The following SLC8A2 variants were observed in gnomAD, a reference collection of about 807,000 sequenced individuals.
SLC8A2 encodes the protein solute carrier family 8 member A2, also known as sodium/calcium exchanger 2.
A neutral mutation model predicts 70.2 loss-of-function variants in SLC8A2; 14 were observed. The ratio of observed to expected loss-of-function variants is 0.20; its 90% CI spans 0.13 to 0.31. The LOEUF (loss-of-function observed/expected upper bound fraction) is 0.31. SLC8A2 is among the 10% of genes least tolerant of loss of function. The pLI is 1.00. For synonymous variants in SLC8A2, 575 were observed against 594.3 expected (o/e 0.97, Z 0.47); for missense variants, 779 against 1,320.1 (o/e 0.59, Z 6.35).
At chr19:47,433,179 A>G (rs1176137265) in intron 8 of SLC8A2, among the ~76,000 whole-genome samples, 1 of 152,176 alleles carries the variant, frequency 6.6e-6, no homozygotes, top group Non-Finnish European at 1.5e-5. Context: ...TCATTTTCCC[A>G]GAAGCCTTCA....
chr19:47,451,572 G>A lies in SLC8A2; in HGVS notation c.1341-3341C>T, dbSNP rs527582939. ...AATCCGCTGGCCTTGGGCTCCCAAAGTGCTGGGATTGCAGGCATGATCCAC... is the reference window on the plus strand; with the variant it reads ...AATCCGCTGGCCTTGGGCTCCCAAAATGCTGGGATTGCAGGCATGATCCAC... On this transcript the variant is annotated intron_variant, in intron 3 of 9. Transcript: ENST00000236877. Among the ~76,000 whole-genome samples, 5 of 152,344 alleles carry A rather than the reference G, an allele frequency of 3.3e-5. No homozygotes were observed. The South Asian group carries it at 1.0e-3, about 32-fold the overall frequency.
chr19:47,438,540 C>T (rs1967060074), intron 6 of SLC8A2, among the ~76,000 whole-genome samples: 1 of 151,966 alleles, frequency 6.6e-6, no homozygotes, highest in Non-Finnish European at 1.5e-5. Context: ...TGGAACCAGA[C>T]CCACCTACAT....
chr19:47,464,549 C>T (rs1476895071), intron 2 of SLC8A2, among the ~76,000 whole-genome samples: 1 of 152,164 alleles, frequency 6.6e-6, no homozygotes. Context: ...CTTTCAGGAG[C>T]CCTGTCTTCT....
intron 2 of SLC8A2, among the ~76,000 whole-genome samples, chr19:47,459,673 A>ATG (rs748987546): frequency 8.3e-5 from 12 of 143,770 alleles, no homozygotes; most frequent in Non-Finnish European, 1.1e-4. Context: ...GTGTGTGTGC[A>ATG]TGTGTGTGTG....
At position 47,437,835 on chromosome 19, in the gene SLC8A2, C is replaced by T; in HGVS notation, c.2010+14G>A. ...CAGGCTGGACTCCAGGAAGGTGAGG[C>T]CCCGGAAAATCACCTTAAAATCATA... On this transcript the variant is annotated intron_variant, in intron 7 of 9. Coordinates refer to ENST00000236877, the MANE Select transcript of SLC8A2 (RefSeq NM_015063.3). 2 of 1,613,968 alleles carry T rather than the reference C, an allele frequency of 1.2e-6. No individual in the cohort carries two copies. The highest frequency in any genetic ancestry group is 1.7e-6 in the Non-Finnish European group (2 of 1,179,904).
At position 47,447,588 on chromosome 19, in the gene SLC8A2, A is replaced by T; in HGVS notation, c.1763+221T>A. On this transcript the variant is annotated intron_variant, in intron 4 of 9. Transcript: ENST00000236877. This position sits in a 1 kb window ranked among gnomAD's most constrained non-coding sequence, Gnocchi z 5.1. ...ATTCACTCAGGCCCCTCTCCTCCTG[A>T]GGGCCCAGCTGTTCAGTGAAGCCCC... is the stretch of plus-strand genomic sequence containing the variant. 1.9e-6 allele frequency: 1 copy of T among 539,826 alleles called. No individual in the cohort carries two copies. The highest frequency in any genetic ancestry group is 3.2e-6 in the Non-Finnish European group (1 of 312,286). 33.4% of individuals were successfully genotyped at this position (539,826 alleles called of 1,614,324 possible). A position where few individuals can be genotyped will look rare whatever the true frequency, so the allele number is the denominator to read the frequency against.
chr19:47,449,558 A>G (rs1223464132), intron 3 of SLC8A2, among the ~76,000 whole-genome samples: 23 of 152,166 alleles, frequency 1.5e-4, no homozygotes, highest in Admixed American at 1.5e-3. Context: ...TCCTGACCTC[A>G]AAAGATCCGC....
rs1249065354 is a variant in SLC8A2 at position 47,466,928 on chromosome 19, G to A, written c.-16-509C>T. ...AAAAATTAGCTGGGCAGGGTGGCGG[G>A]AGCCTGTAACCCCAGCTACTCGGGA... is the stretch of plus-strand genomic sequence containing the variant. On this transcript the variant is annotated intron_variant, in intron 1 of 9. Coordinates refer to ENST00000236877, the MANE Select transcript of SLC8A2 (RefSeq NM_015063.3). The surrounding 1 kb of genome is among the most constrained non-coding windows in gnomAD (Gnocchi z 6.9). Among the ~76,000 whole-genome samples the A allele has an allele frequency of 1.3e-5, 2 of 152,064 alleles. No individual in the cohort carries two copies. The highest frequency in any genetic ancestry group is 2.9e-5 in the Non-Finnish European group (2 of 68,004).
Position 47,430,679 on chromosome 19 carries a change from G to T in SLC8A2, c.2390-214C>A, listed in dbSNP as rs1339101758. On this transcript the variant is annotated intron_variant, in intron 9 of 9. Transcript: ENST00000236877. The surrounding 1 kb of genome is among the most constrained non-coding windows in gnomAD (Gnocchi z 5.9). ...CTGCCGGCTTTCTATGGGACCTGCC[G>T]CCTGCTTTCTGTGGGATTCATTCTC... is the stretch of plus-strand genomic sequence containing the variant. 6.6e-6 allele frequency among the ~76,000 whole-genome samples: 1 copy of T among 152,220 alleles called. No individual in the cohort carries two copies. The highest frequency in any genetic ancestry group is 2.1e-4 in the South Asian group (1 of 4,834).
chr19:47,443,123 C>G (rs1967118627), intron 4 of SLC8A2, among the ~76,000 whole-genome samples: 2 of 152,184 alleles, frequency 1.3e-5, no homozygotes, highest in Admixed American at 6.5e-5. Context: ...TCTCCAACAC[C>G]CAGAACAGTC....
chr19:47,452,445 A>AGAGAGT (rs1568444583), intron 3 of SLC8A2, among the ~76,000 whole-genome samples: 32 of 54,090 alleles, frequency 5.9e-4, no homozygotes, highest in African/African-American at 2.9e-3. Context: ...AGAGAGAGAG[A>AGAGAGT]GTGTGTGTGT....
intron 1 of SLC8A2, among the ~76,000 whole-genome samples, chr19:47,469,106 G>A (rs1967499340): frequency 6.8e-6 from 1 of 146,226 alleles, no homozygotes; most frequent in South Asian, 2.2e-4. Flanking sequence ...CAAGCGAGGA[G>A]CATGCCTGTG....
rs1449847925 is a variant in SLC8A2, at chr19:47,457,290, G to A, written c.980C>T (p.Pro327Leu). The A allele has an allele frequency of 1.3e-6, 2 of 1,546,792 alleles. No homozygotes were observed. Among genetic ancestry groups the A allele is most frequent in the African/African-American group, 2.8e-5 (2 of 72,550 alleles). ...CACCAGCTGCTCCAGATCCTTGTCC[G>A]GGTGCTTCTGCTTGAGGTCCTTGAG... Reference protein sequence around the residue: ...QILKDLKQKHPDKDLEQLVGI... With the variant: ...QILKDLKQKHLDKDLEQLVGI... The change falls in exon 3 of 10, where the codon CCG becomes CTG. Residue 327 changes from proline (P) to leucine (L), a missense_variant. Pro to Leu is a moderately conservative substitution (Grantham distance 98). This residue lies in a region of SLC8A2 where 186 missense variants were observed against 246.6 expected (regional missense o/e 0.75). Coordinates refer to ENST00000236877, the MANE Select transcript of SLC8A2 (RefSeq NM_015063.3).
intron 4 of SLC8A2, among the ~76,000 whole-genome samples, chr19:47,445,288 T>C (rs897236444): frequency 1.3e-5 from 2 of 152,304 alleles, no homozygotes; most frequent in Admixed American, 6.5e-5. Flanking sequence ...TTTGTATTTT[T>C]AGTAGAGACG....
At chr19:47,445,130 T>G (rs1023780382) in intron 4 of SLC8A2, among the ~76,000 whole-genome samples, 32 of 151,860 alleles carry the variant, frequency 2.1e-4, no homozygotes, top group Non-Finnish European at 8.8e-5. Context: ...GGGTGGGAGA[T>G]GGAGTTTCGC....
At chr19:47,445,501 C>G (rs1454490957) in intron 4 of SLC8A2, among the ~76,000 whole-genome samples, 4 of 152,112 alleles carry the variant, frequency 2.6e-5, no homozygotes, top group Non-Finnish European at 5.9e-5. Flanking sequence ...CTCCCTGTGT[C>G]TATCTCTGTG....
At chr19:47,452,124 CATT>C (rs929007380) in intron 3 of SLC8A2, among the ~76,000 whole-genome samples, 1 of 152,022 alleles carries the variant, frequency 6.6e-6, no homozygotes, top group Non-Finnish European at 1.5e-5. Context: ...AGGAGAATGC[CATT>C]ATTCTCAAAA....
chr19:47,456,787 G>A, intron 3 of SLC8A2, 143 bp downstream of exon 3: 2 of 886,964 alleles, frequency 2.3e-6, no homozygotes, highest in East Asian at 2.9e-5. Flanking sequence ...CACAAAGCAG[G>A]CTCTCAGGAA....
intron 2 of SLC8A2, among the ~76,000 whole-genome samples, chr19:47,461,208 C>G (rs546171670): frequency 1.4e-5 from 2 of 148,128 alleles, no homozygotes; most frequent in African/African-American, 5.0e-5. Flanking sequence ...AGAGTATTTA[C>G]GATGACAAGG....
Sources: allele counts gnomAD v4.1 joint callset (sites outside exome capture counted in the v4.1 genomes callset), GRCh38; gene constraint gnomAD v4.1.1; regional missense constraint gnomAD v4.1.1; non-coding constraint Gnocchi (gnomAD v3.1); transcripts MANE v1.5; gene names NCBI Gene and HGNC (gene_info 2026-07-23, HGNC 2026-07-21).